The following PCDHGA2 variants were observed in gnomAD, a reference collection of about 807,000 sequenced individuals.
PCDHGA2 encodes protocadherin gamma-A2.
A neutral mutation model predicts 59.2 loss-of-function variants in PCDHGA2; 40 were observed. That is an observed-to-expected ratio of 0.68 (90% CI 0.52 to 0.88). The LOEUF is 0.88. PCDHGA2 is among the 40% of genes least tolerant of loss of function. The pLI, the probability that PCDHGA2 is intolerant of heterozygous loss-of-function variation, is 0.00. For missense variants in PCDHGA2, 1,226 were observed against 1,204.0 expected, an observed-to-expected ratio of 1.02 and a Z score of -0.27; for synonymous variants, 560 against 526.0, an observed-to-expected ratio of 1.06 and a Z score of -0.89.
intron 1 of PCDHGA2, among the ~76,000 whole-genome samples, chr5:141,363,627 C>T (rs1763008344): frequency 6.6e-6 from 1 of 152,226 alleles, no homozygotes; most frequent in Non-Finnish European, 1.5e-5. Flanking sequence ...GAGACTTTCT[C>T]AAAGTCCTCA....
At chr5:141,474,041 GC>G (rs1242668125) in intron 1 of PCDHGA2, among the ~76,000 whole-genome samples, 3 of 152,140 alleles carry the variant, frequency 2.0e-5, no homozygotes. Context: ...CTGTACTCCA[GC>G]CTGGATGACA....
intron 1 of PCDHGA2, chr5:141,423,728 T>C (rs1312071121): frequency 9.4e-6 from 10 of 1,067,510 alleles, no homozygotes; most frequent in Non-Finnish European, 1.1e-5. Context: ...AGATGTTTTT[T>C]GAGCCTGTTA....
intron 1 of PCDHGA2, chr5:141,365,374 C>T: frequency 6.2e-7 from 1 of 1,613,926 alleles, no homozygotes; most frequent in Non-Finnish European, 8.5e-7. Context: ...CCGAAGTGAT[C>T]CTCACCTCTC....
chr5:141,398,905 A>G lies in PCDHGA2; in HGVS notation c.2424+57510A>G, dbSNP rs200564636. ...TCGGGAAAACGTGCCACCAGGCACC[A>G]CTGTGTTGCAAGTGTCAGCCACTGA... On this transcript the variant is annotated intron_variant, in intron 1 of 3. Coordinates refer to ENST00000394576, the MANE Select transcript of PCDHGA2 (RefSeq NM_018915.4). 1.2e-3 allele frequency: 1,935 copies of G among 1,613,984 alleles called. 4 individuals carry two copies. Among genetic ancestry groups the G allele is most frequent in the Middle Eastern group, 3.5e-3 (21 of 6,062 alleles).
intron 1 of PCDHGA2, among the ~76,000 whole-genome samples, chr5:141,481,678 G>A (rs1033213047): frequency 6.6e-6 from 1 of 152,006 alleles, no homozygotes; most frequent in African/African-American, 2.4e-5. Flanking sequence ...ATCAGGCCGG[G>A]CCTGGTGGCT....
intron 1 of PCDHGA2, chr5:141,413,448 G>A (rs781717265): frequency 3.1e-6 from 5 of 1,614,122 alleles, no homozygotes; most frequent in Non-Finnish European, 4.2e-6. Context: ...TGATCACCGC[G>A]GGCAGGATAG....
At chr5:141,361,340 A>G (rs1394183800) in intron 1 of PCDHGA2, 2 of 1,613,974 alleles carry the variant, frequency 1.2e-6, no homozygotes, top group Non-Finnish European at 1.7e-6. Context: ...AAGAACTATT[A>G]CAAACTAGTG....
chr5:141,410,841 G>GT, intron 1 of PCDHGA2: 1 of 214,604 alleles, frequency 4.7e-6, no homozygotes, highest in Non-Finnish European at 7.8e-6. Context: ...AAGATATTTT[G>GT]TCTTTGTCTT....
chr5:141,495,469 C>G (rs1398171981), intron 2 of PCDHGA2, among the ~76,000 whole-genome samples: 1 of 152,220 alleles, frequency 6.6e-6, no homozygotes, highest in Non-Finnish European at 1.5e-5. Flanking sequence ...TGTGGGGTCT[C>G]CGTGTCTCTG....
intron 1 of PCDHGA2, among the ~76,000 whole-genome samples, chr5:141,380,346 GTTGT>G (rs1424822944): frequency 2.0e-5 from 3 of 152,066 alleles, no homozygotes; most frequent in Non-Finnish European, 2.9e-5. Context: ...GAACTGTTTT[GTTGT>G]TTGTTTTTTA....
chr5:141,418,058 C>A (rs2096216434), intron 1 of PCDHGA2: 1 of 1,613,872 alleles, frequency 6.2e-7, no homozygotes, highest in Non-Finnish European at 8.5e-7. Flanking sequence ...TCGCGAGCTG[C>A]GAGTGAGCGC....
rs747437039 is a variant in PCDHGA2 at position 141,413,919 on chromosome 5, G to T, written c.2424+72524G>T. The T allele has an allele frequency of 1.2e-5, 19 of 1,613,284 alleles. 1 individual carries two copies. The highest frequency in any genetic ancestry group is 1.6e-5 in the Non-Finnish European group (19 of 1,179,890). ...ATGACAACGCGCCGGTCTTCACCTT[G>T]CCAGAATACCGAGTGAGTGTTCCTG... On this transcript the variant is annotated intron_variant, in intron 1 of 3. Transcript: ENST00000394576.
intron 1 of PCDHGA2, chr5:141,357,117 G>C (rs539262647): frequency 6.2e-7 from 1 of 1,613,714 alleles, no homozygotes; most frequent in Non-Finnish European, 8.5e-7. Context: ...ACGCGCTCAA[G>C]CAGAGGCTTG....
intron 1 of PCDHGA2, among the ~76,000 whole-genome samples, chr5:141,474,643 CCTTA>C (rs1474125632): frequency 1.3e-5 from 2 of 152,134 alleles, no homozygotes; most frequent in Admixed American, 1.3e-4. Flanking sequence ...TCCTATATAT[CCTTA>C]CTTCTTTTCT....
intron 1 of PCDHGA2, chr5:141,402,866 T>A (rs1339290452): frequency 4.2e-6 from 6 of 1,442,196 alleles, no homozygotes; most frequent in Non-Finnish European, 5.5e-6. Context: ...AAGGAAAAGA[T>A]CACCATACTT....
At chr5:141,362,379 GC>G (rs776053945) in intron 1 of PCDHGA2, 10 of 1,613,886 alleles carry the variant, frequency 6.2e-6, no homozygotes, top group Non-Finnish European at 2.5e-6. Context: ...AGGGTACATT[GC>G]CCTATTCCTA....
chr5:141,455,047 C>T (rs2098811276), intron 1 of PCDHGA2, among the ~76,000 whole-genome samples: 1 of 150,004 alleles, frequency 6.7e-6, no homozygotes, highest in African/African-American at 2.5e-5. Context: ...CTCCTGACCT[C>T]GTGATCCGCC....
rs780241180 is a variant in PCDHGA2, at chr5:141,490,819, C to A, written c.2425-3988C>A. On this transcript the variant is annotated intron_variant, in intron 1 of 3. Transcript: ENST00000394576. The surrounding 1 kb of genome is among the most constrained non-coding windows in gnomAD (Gnocchi z 5.4). ...CCAGCGTACCTTTGACTATGAATTGCTGCAGATGCTGCAGATTGTGGTGGG... is the reference window on the plus strand; with the variant it reads ...CCAGCGTACCTTTGACTATGAATTGATGCAGATGCTGCAGATTGTGGTGGG... 3 of 1,613,842 alleles carry A rather than the reference C, an allele frequency of 1.9e-6. No individual in the cohort carries two copies. The highest frequency in any genetic ancestry group is 2.5e-6 in the Non-Finnish European group (3 of 1,179,804).
At chr5:141,372,676 CA>C (rs1170718624) in intron 1 of PCDHGA2, 3 of 1,613,898 alleles carry the variant, frequency 1.9e-6, no homozygotes, top group Non-Finnish European at 1.7e-6. Context: ...TCACATTCCT[CA>C]AACACCGAGT....
Sources: gnomAD v4.1 joint callset for allele counts (sites outside exome capture counted in the v4.1 genomes callset) on GRCh38, gnomAD v4.1.1 for gene constraint, Gnocchi (gnomAD v3.1) non-coding constraint, MANE v1.5 for transcripts, NCBI Gene and HGNC (gene_info 2026-07-23, HGNC 2026-07-21) for gene names.